The following EXOC4 variants were observed in gnomAD, a reference collection of about 807,000 sequenced individuals.
The protein encoded by EXOC4 is exocyst complex component 4.
EXOC4 carries 71 observed loss-of-function variants against 107.2 expected under a neutral mutation model. The ratio of observed to expected loss-of-function variants is 0.66; its 90% CI spans 0.55 to 0.81. EXOC4 has a LOEUF of 0.81. Ranked by LOEUF, EXOC4 falls within the 30% of genes least tolerant of loss-of-function variation. The pLI is 0.00. For synonymous variants in EXOC4, 456 were observed against 441.2 expected, an observed-to-expected ratio of 1.03 and a Z score of -0.42; for missense variants, 1,108 against 1,189.6, an observed-to-expected ratio of 0.93 and a Z score of 1.01.
At position 133,329,949 on chromosome 7, in the gene EXOC4, T is replaced by C. The variant is rs1795341508; in HGVS notation, c.763+12559T>C. 3.3e-5 allele frequency among the ~76,000 whole-genome samples: 5 copies of C among 152,278 alleles called. No individual in the cohort carries two copies. In the South Asian group the frequency reaches 1.0e-3, roughly 32 times the overall value. On this transcript the variant is annotated intron_variant, in intron 5 of 17. Coordinates refer to ENST00000253861, the MANE Select transcript of EXOC4 (RefSeq NM_021807.4). ...CTGACCCTTAGCAGAGCTCAAATGC[T>C]GTGCTGGGAGATCTGTTGCTCTCTT... is the stretch of plus-strand genomic sequence containing the variant.
chr7:133,277,469 T>G (rs1379787450), intron 2 of EXOC4, among the ~76,000 whole-genome samples: 1 of 152,234 alleles, frequency 6.6e-6, no homozygotes, highest in African/African-American at 2.4e-5. Context: ...CCCATCATTC[T>G]GAGTCGATAA....
intron 14 of EXOC4, among the ~76,000 whole-genome samples, chr7:133,987,182 T>A (rs1794134395): frequency 6.6e-6 from 1 of 152,102 alleles, no homozygotes; most frequent in Admixed American, 6.6e-5. Flanking sequence ...ATTTTGGGGC[T>A]GGGCAAGGTT....
intron 7 of EXOC4, among the ~76,000 whole-genome samples, chr7:133,406,097 C>G: frequency 6.6e-6 from 1 of 152,216 alleles, no homozygotes; most frequent in East Asian, 1.9e-4. Context: ...TAGTGATTTA[C>G]TGCTCATAGA....
At chr7:133,618,540 G>T (rs1802249470) in intron 9 of EXOC4, among the ~76,000 whole-genome samples, 1 of 152,170 alleles carries the variant, frequency 6.6e-6, no homozygotes, top group African/African-American at 2.4e-5. Context: ...GACAAATGTG[G>T]AGCAAATAAG....
intron 5 of EXOC4, among the ~76,000 whole-genome samples, chr7:133,342,201 G>A (rs1266310877): frequency 6.6e-6 from 1 of 151,940 alleles, no homozygotes; most frequent in Non-Finnish European, 1.5e-5. Context: ...AAGATTTAGA[G>A]CTCCTGTTAG....
chr7:133,388,704 G>T (rs1268235731), intron 7 of EXOC4, among the ~76,000 whole-genome samples: 2 of 152,080 alleles, frequency 1.3e-5, no homozygotes, highest in Non-Finnish European at 2.9e-5. Flanking sequence ...TATCCAGTCA[G>T]TGTTCACATT....
intron 10 of EXOC4, among the ~76,000 whole-genome samples, chr7:133,661,496 G>C (rs952164955): frequency 6.6e-6 from 1 of 151,918 alleles, no homozygotes; most frequent in Non-Finnish European, 1.5e-5. Flanking sequence ...CATTTAGCTG[G>C]CCCTATGGAT....
rs575298949 is a variant in EXOC4, at chr7:133,831,199, G to A, written c.1734+13655G>A. Among the ~76,000 whole-genome samples, 137 of 152,180 alleles carry A rather than the reference G, an allele frequency of 9.0e-4. No individual in the cohort carries two copies. The South Asian group carries it at 0.011, about 12-fold the overall frequency. On this transcript the variant is annotated intron_variant, in intron 11 of 17. Transcript: ENST00000253861. ...AGGCTGGTCTCGAACCCCTGACTTC[G>A]TGATCCACCTGCCTTGGCCTCCCAA...
rs59323264 is a variant in EXOC4 at position 134,053,237 on chromosome 7, C to CAA, written c.2688-11040_2688-11039dup. On this transcript the variant is annotated intron_variant, in intron 17 of 17. Transcript: ENST00000253861. The stretch of plus-strand genomic sequence containing the variant: ...TGGACGACAGAGCGAAACTCCATCT[C>CAA]AAAAAAAAAAAAAAAGAAGAAGAAT... Among the ~76,000 whole-genome samples the CAA allele has an allele frequency of 5.5e-4, 67 of 121,004 alleles. 1 individual carries two copies. The highest frequency in any genetic ancestry group is 2.0e-3 in the African/African-American group (65 of 33,110). 79.4% of individuals were successfully genotyped at this position (121,004 alleles called of 152,430 possible). A position where few individuals can be genotyped will look rare whatever the true frequency, so the allele number is the denominator to read the frequency against.
intron 17 of EXOC4, among the ~76,000 whole-genome samples, chr7:134,030,940 C>A (rs930299919): frequency 4.6e-5 from 7 of 152,086 alleles, no homozygotes; most frequent in Non-Finnish European, 1.5e-5. Context: ...TTGCCACCAC[C>A]CTGACTGATC....
At chr7:133,655,437 T>A (rs1803267060) in intron 10 of EXOC4, among the ~76,000 whole-genome samples, 1 of 152,206 alleles carries the variant, frequency 6.6e-6, no homozygotes, top group Non-Finnish European at 1.5e-5. Flanking sequence ...AACATATTCC[T>A]CTTAACTTTC....
chr7:133,945,736 G>A (rs890154765), intron 14 of EXOC4, among the ~76,000 whole-genome samples: 6 of 152,158 alleles, frequency 3.9e-5, no homozygotes, highest in African/African-American at 1.4e-4. Flanking sequence ...ATTCCAGCAT[G>A]TTTTTTATGC....
At chr7:133,620,733 C>T (rs905379113) in intron 9 of EXOC4, among the ~76,000 whole-genome samples, 1 of 152,170 alleles carries the variant, frequency 6.6e-6, no homozygotes, top group African/African-American at 2.4e-5. Flanking sequence ...CCCCAGCTCA[C>T]ACACATGAGA....
intron 14 of EXOC4, among the ~76,000 whole-genome samples, chr7:133,995,897 GCT>G (rs1794380221): frequency 6.6e-6 from 1 of 152,034 alleles, no homozygotes. Context: ...CAAGATGTTG[GCT>G]CTCTACCCTA....
At chr7:134,015,831 C>T (rs756441215) in intron 17 of EXOC4, among the ~76,000 whole-genome samples, 8 of 147,206 alleles carry the variant, frequency 5.4e-5, no homozygotes, top group African/African-American at 2.0e-4. Context: ...GCTGAGATCA[C>T]GCCACTGCAC....
intron 14 of EXOC4, among the ~76,000 whole-genome samples, chr7:133,981,947 T>G (rs1793991122): frequency 6.6e-6 from 1 of 152,148 alleles, no homozygotes; most frequent in Non-Finnish European, 1.5e-5. Context: ...GATCATGTCT[T>G]TTGATGGAAC....
intron 1 of EXOC4, among the ~76,000 whole-genome samples, chr7:133,271,111 G>A (rs934772685): frequency 1.3e-5 from 2 of 151,834 alleles, no homozygotes; most frequent in Non-Finnish European, 2.9e-5. Context: ...GTAGAGACAG[G>A]GTTTCACCAT....
intron 7 of EXOC4, among the ~76,000 whole-genome samples, chr7:133,375,796 G>T (rs1284792060): frequency 6.6e-6 from 1 of 152,070 alleles, no homozygotes; most frequent in African/African-American, 2.4e-5. Flanking sequence ...TTGAAGATTA[G>T]AGGAATAATA....
rs865790015 is a variant in EXOC4 at position 133,511,130 on chromosome 7, G to A, written c.1417+30992G>A. Among the ~76,000 whole-genome samples the A allele has an allele frequency of 1.1e-3, 163 of 152,118 alleles. 1 individual carries two copies. Among genetic ancestry groups the A allele is most frequent in the African/African-American group, 3.7e-3 (154 of 41,490 alleles). On this transcript the variant is annotated intron_variant, in intron 9 of 17. Coordinates refer to ENST00000253861, the MANE Select transcript of EXOC4 (RefSeq NM_021807.4). Reference sequence around the variant, plus strand: ...AATTTTCTATTATACCCTCTTAGGTGTGTGCCTGAGGTCTGTGAATTAAAC... The same window carrying A: ...AATTTTCTATTATACCCTCTTAGGTATGTGCCTGAGGTCTGTGAATTAAAC...
Sources: allele counts gnomAD v4.1 joint callset (sites outside exome capture counted in the v4.1 genomes callset), GRCh38; gene constraint gnomAD v4.1.1; transcripts MANE v1.5; gene names NCBI Gene and HGNC (gene_info 2026-07-23, HGNC 2026-07-21).